Variants in GRIK3 observed in about 807,000 individuals in gnomAD.
GRIK3 encodes the protein glutamate ionotropic receptor kainate type subunit 3.
In GRIK3, 29 loss-of-function variants were observed where a neutral mutation model predicts 102.5. That is an observed-to-expected ratio of 0.28 (90% CI 0.21 to 0.39). The LOEUF is 0.39. GRIK3 is among the 10% of genes least tolerant of loss of function. The pLI is 1.00. For synonymous variants in GRIK3, 511 were observed against 504.9 expected, an observed-to-expected ratio of 1.01 and a Z score of -0.16; for missense variants, 908 against 1,252.4, an observed-to-expected ratio of 0.73 and a Z score of 4.15.
rs1232964890 is a variant in GRIK3, at chr1:36,805,151, G to A, written c.2401C>T (p.Arg801Trp). ...TCCTCCTCAGGACACCCGCTGCCCC[G>A]CCACCACTTCTCCTTCATGATATGC... ...KLHIMKEKWW[R>W]GSGCPEEENK... The change falls in exon 15 of 16, where the codon CGG (arginine) becomes TGG (tryptophan). Residue 801 changes from arginine (R) to tryptophan (W), a missense_variant. Arg to Trp is a moderately radical substitution (Grantham distance 101, BLOSUM62 -3). Transcript: ENST00000373091. 6.2e-7 allele frequency: 1 copy of A among 1,614,122 alleles called. No homozygotes were observed. Among genetic ancestry groups the A allele is most frequent in the East Asian group, 2.2e-5 (1 of 44,880 alleles).
At chr1:36,965,717 A>AT (rs1359820147) in intron 1 of GRIK3, among the ~76,000 whole-genome samples, 1 of 152,212 alleles carries the variant, frequency 6.6e-6, no homozygotes, top group Non-Finnish European at 1.5e-5. Context: ...CCCAACGGGA[A>AT]TTTTGTTCCC....
At chr1:36,984,615 G>A (rs570530264) in intron 1 of GRIK3, among the ~76,000 whole-genome samples, 5 of 152,388 alleles carry the variant, frequency 3.3e-5, no homozygotes, top group East Asian at 1.9e-4. Flanking sequence ...CTAGCAGGGA[G>A]GAGTGGGGCA....
At chr1:36,984,558 T>G (rs1302113883) in intron 1 of GRIK3, among the ~76,000 whole-genome samples, 3 of 151,946 alleles carry the variant, frequency 2.0e-5, no homozygotes, top group Non-Finnish European at 4.4e-5. Context: ...GAAGACAGAG[T>G]TAGTGTGGAC....
At chr1:36,969,684 A>G (rs1466966850) in intron 1 of GRIK3, among the ~76,000 whole-genome samples, 1 of 152,246 alleles carries the variant, frequency 6.6e-6, no homozygotes, top group African/African-American at 2.4e-5. Context: ...TAGAGAGGAC[A>G]CTGGCATAAG....
intron 1 of GRIK3, among the ~76,000 whole-genome samples, chr1:36,923,360 G>A (rs1641494227): frequency 6.6e-6 from 1 of 152,210 alleles, no homozygotes; most frequent in Non-Finnish European, 1.5e-5. Flanking sequence ...GACCTCTACT[G>A]ATTGGAACAG....
chr1:36,891,567 T>C (rs1443383307), intron 1 of GRIK3, among the ~76,000 whole-genome samples: 2 of 152,218 alleles, frequency 1.3e-5, no homozygotes, highest in African/African-American at 2.4e-5. Flanking sequence ...TATCTATTGC[T>C]GTTAAGAATG....
chr1:36,991,522 T>C (rs1391764866), intron 1 of GRIK3, among the ~76,000 whole-genome samples: 1 of 152,234 alleles, frequency 6.6e-6, no homozygotes, highest in African/African-American at 2.4e-5. Context: ...ATAAGCTTCC[T>C]GTCTACAACC....
At chr1:36,930,480 A>G (rs1432686101) in intron 1 of GRIK3, among the ~76,000 whole-genome samples, 6 of 152,236 alleles carry the variant, frequency 3.9e-5, no homozygotes, top group African/African-American at 9.6e-5. Flanking sequence ...AATTTTATAG[A>G]TGAGAAAATG....
At chr1:36,950,508 C>T (rs554194237) in intron 1 of GRIK3, among the ~76,000 whole-genome samples, 4 of 152,288 alleles carry the variant, frequency 2.6e-5, no homozygotes, top group African/African-American at 9.6e-5. Context: ...CCCATCTTTC[C>T]ACACTCCCAG....
rs2124239752 is a variant in GRIK3, at chr1:36,859,996, C to G, written c.808G>C (p.Glu270Gln). 6.2e-7 allele frequency: 1 copy of G among 1,605,964 alleles called. No homozygotes were observed. Among genetic ancestry groups the G allele is most frequent in the African/African-American group, 1.3e-5 (1 of 74,728 alleles). Residue 270 changes from glutamate (E) to glutamine (Q), a missense_variant, in exon 6 of 16, where the codon GAG becomes CAG. Glu to Gln is a conservative substitution (Grantham distance 29). This residue lies in a region of GRIK3 where 585 missense variants were observed against 824.9 expected (regional missense o/e 0.71). Coordinates refer to ENST00000373091, the MANE Select transcript of GRIK3 (RefSeq NM_000831.4). ...TTCACGCCTGAGTAGCGGTAGGGCT[C>G]CAGGTCTAAAGCGTAGAGATCCTGG... The part of the protein sequence containing the change: ...TTLDLYALDL[E>Q]PYRYSGVNLT...
At chr1:36,854,280 C>T (rs1017476334) in intron 7 of GRIK3, among the ~76,000 whole-genome samples, 3 of 152,168 alleles carry the variant, frequency 2.0e-5, no homozygotes, top group Non-Finnish European at 2.9e-5. Flanking sequence ...TCATTTTACC[C>T]GTCTGCCCCA....
At chr1:36,894,102 A>G (rs1641147360) in intron 1 of GRIK3, among the ~76,000 whole-genome samples, 2 of 152,210 alleles carry the variant, frequency 1.3e-5, no homozygotes, top group Admixed American at 6.5e-5. Context: ...TTCTATGACC[A>G]TAAGCACAAT....
At position 36,800,026 on chromosome 1, in the gene GRIK3, G is replaced by C. The variant is rs1642423390; in HGVS notation, c.*1825C>G. On this transcript the variant is annotated 3_prime_UTR_variant, in exon 16 of 16. Coordinates refer to ENST00000373091, the MANE Select transcript of GRIK3 (RefSeq NM_000831.4). ...CTCCCTCGTCCAATGTACATAGCCAGTCAGAGCTGCTAGGATTCTGGGAAC... is the reference window on the plus strand; with the variant it reads ...CTCCCTCGTCCAATGTACATAGCCACTCAGAGCTGCTAGGATTCTGGGAAC... The C allele has an allele frequency of 6.6e-6, 1 of 152,214 alleles. No individual in the cohort carries two copies. Among genetic ancestry groups the C allele is most frequent in the Non-Finnish European group, 1.5e-5 (1 of 68,062 alleles). The allele number at this position is 152,214 out of a possible 1,614,324, so 9.4% of individuals were successfully genotyped here.
chr1:36,968,854 C>G (rs1332052457), intron 1 of GRIK3, among the ~76,000 whole-genome samples: 1 of 152,192 alleles, frequency 6.6e-6, no homozygotes, highest in Non-Finnish European at 1.5e-5. Context: ...GGGAAGCACT[C>G]TCTACTGTTG....
chr1:36,804,899 C>T (rs755083730), intron 15 of GRIK3, 88 bp downstream of exon 15: 1 of 1,496,098 alleles, frequency 6.7e-7, no homozygotes, highest in Admixed American at 1.8e-5. Flanking sequence ...TGAGATGAGA[C>T]ACCACTGTGT....
intron 1 of GRIK3, among the ~76,000 whole-genome samples, chr1:36,923,050 G>A (rs1641490927): frequency 6.6e-6 from 1 of 152,122 alleles, no homozygotes; most frequent in Non-Finnish European, 1.5e-5. Context: ...TCTTGTTCCT[G>A]GGAAGCCGAG....
chr1:37,030,021 G>A (rs563526594), intron 1 of GRIK3, among the ~76,000 whole-genome samples: 5 of 152,334 alleles, frequency 3.3e-5, no homozygotes, highest in Non-Finnish European at 7.3e-5. Context: ...ACTGTTTAGC[G>A]AAGTGCGAGG....
At chr1:36,853,855 C>T (rs1640616446) in intron 7 of GRIK3, 133 bp from the exon 8 acceptor site, 1 of 644,414 alleles carries the variant, frequency 1.6e-6, no homozygotes, top group Non-Finnish European at 2.9e-6. Flanking sequence ...AATTAATAAT[C>T]ACCTCCATCA....
At chr1:36,987,363 T>C (rs1642316879) in intron 1 of GRIK3, among the ~76,000 whole-genome samples, 1 of 152,116 alleles carries the variant, frequency 6.6e-6, no homozygotes, top group Non-Finnish European at 1.5e-5. Flanking sequence ...GGATCTGAGT[T>C]CAAGCGCTTT....
Sources: gnomAD v4.1 joint callset for allele counts (sites outside exome capture counted in the v4.1 genomes callset) on GRCh38, gnomAD v4.1.1 for gene constraint, gnomAD v4.1.1 regional missense constraint, MANE v1.5 for transcripts, NCBI Gene and HGNC (gene_info 2026-07-23, HGNC 2026-07-21) for gene names.